PRKCE: variants seen among roughly 807,000 people sequenced by gnomAD.
The protein encoded by PRKCE is protein kinase C epsilon type.
Under a neutral mutation model 85.4 loss-of-function variants are expected in PRKCE, and 16 were observed. The ratio of observed to expected loss-of-function variants is 0.19; its 90% confidence interval spans 0.13 to 0.28. The LOEUF (loss-of-function observed/expected upper bound fraction) is 0.28. PRKCE is among the 10% of genes least tolerant of loss of function. The pLI, the probability that PRKCE is intolerant of heterozygous loss-of-function variation, is 1.00. For missense variants in PRKCE, 573 were observed against 975.2 expected, an observed-to-expected ratio of 0.59 and a Z score of 5.49; for synonymous variants, 388 against 371.5, an observed-to-expected ratio of 1.04 and a Z score of -0.51.
chr2:45,817,767 C>G (rs1689199065), intron 1 of PRKCE, among the ~76,000 whole-genome samples: 1 of 152,152 alleles, frequency 6.6e-6, no homozygotes, highest in South Asian at 2.1e-4. Context: ...AGTGGCCTGT[C>G]TGCAGTCACC....
At position 45,989,075 on chromosome 2, in the gene PRKCE, C is replaced by T. The variant is rs117357025; in HGVS notation, c.823+4395C>T. Among the ~76,000 whole-genome samples the T allele has an allele frequency of 3.6e-3, 546 of 152,336 alleles. 7 individuals carry two copies. The highest frequency in any genetic ancestry group is 0.024 in the East Asian group (127 of 5,184). On this transcript the variant is annotated intron_variant, in intron 6 of 14. Coordinates refer to ENST00000306156, the MANE Select transcript of PRKCE (RefSeq NM_005400.3). ...TCTGAAGTCATCGGGCACCAAGGGG[C>T]AACTTCACAGGAAAGCCAGACCTCC...
intron 1 of PRKCE, among the ~76,000 whole-genome samples, chr2:45,836,632 C>T (rs1690900994): frequency 6.6e-6 from 1 of 152,174 alleles, no homozygotes; most frequent in Admixed American, 6.5e-5. Flanking sequence ...GAGGGGGCAT[C>T]AGTGAAGGGG....
chr2:45,748,077 C>G (rs1683278569), intron 1 of PRKCE, among the ~76,000 whole-genome samples: 1 of 152,284 alleles, frequency 6.6e-6, no homozygotes, highest in East Asian at 1.9e-4. Flanking sequence ...AACTCCTTAT[C>G]AGGTATCTGA....
chr2:46,022,452 G>A (rs1706747869), intron 10 of PRKCE, among the ~76,000 whole-genome samples: 1 of 152,164 alleles, frequency 6.6e-6, no homozygotes, highest in Non-Finnish European at 1.5e-5. Flanking sequence ...TAGTGGTCTA[G>A]TGGTGTTTTC....
Position 45,857,400 on chromosome 2 carries a change from A to C in PRKCE, c.412+14337A>C, listed in dbSNP as rs532689320. Reference sequence around the variant, plus strand: ...TTAAGAGAGTTTTTAAAAAATGTTCACGTGATCATCTGGGCAGCCTGTCAA... The same window carrying C: ...TTAAGAGAGTTTTTAAAAAATGTTCCCGTGATCATCTGGGCAGCCTGTCAA... On this transcript the variant is annotated intron_variant, in intron 2 of 14. Coordinates refer to ENST00000306156, the MANE Select transcript of PRKCE (RefSeq NM_005400.3). Among the ~76,000 whole-genome samples the C allele has an allele frequency of 7.9e-5, 12 of 152,348 alleles. No homozygotes were observed. The East Asian group carries it at 1.7e-3, about 22-fold the overall frequency.
chr2:45,953,422 C>T (rs1036863578), intron 2 of PRKCE, among the ~76,000 whole-genome samples: 6 of 152,216 alleles, frequency 3.9e-5, no homozygotes. Flanking sequence ...AGAACATCCT[C>T]CTTGCTCTCT....
In PRKCE at chr2:45,735,095, C is replaced by T. The variant is rs1403293237; in HGVS notation, c.348+82647C>T. Among the ~76,000 whole-genome samples, 3 of 152,220 alleles carry T rather than the reference C, an allele frequency of 2.0e-5. No individual in the cohort carries two copies. The East Asian group carries it at 5.8e-4, about 29-fold the overall frequency. On this transcript the variant is annotated intron_variant, in intron 1 of 14. Coordinates refer to ENST00000306156, the MANE Select transcript of PRKCE (RefSeq NM_005400.3). The stretch of plus-strand genomic sequence containing the variant: ...CAGAGTCACTGGGCCAGGCCAGCAT[C>T]TGGTGGAAACAGTGGCCTGTGATGT...
At chr2:45,886,931 C>T (rs1319554191) in intron 2 of PRKCE, among the ~76,000 whole-genome samples, 1 of 152,228 alleles carries the variant, frequency 6.6e-6, no homozygotes, top group Non-Finnish European at 1.5e-5. Context: ...GGTCTACTCT[C>T]AAGTTCTTTC....
intron 14 of PRKCE, among the ~76,000 whole-genome samples, chr2:46,177,870 C>T (rs1023189045): frequency 1.2e-4 from 18 of 152,182 alleles, no homozygotes; most frequent in African/African-American, 3.6e-4. Context: ...TAAGGGTTCA[C>T]GCCAAGTAGA....
chr2:45,787,897 G>T (rs549010593), intron 1 of PRKCE, among the ~76,000 whole-genome samples: 103 of 152,320 alleles, frequency 6.8e-4, no homozygotes, highest in African/African-American at 2.4e-3. Context: ...GGCCCATCCA[G>T]AGCATTGCGA....
chr2:46,077,146 TTCTC>T (rs373618661), intron 10 of PRKCE, among the ~76,000 whole-genome samples: 161 of 147,574 alleles, frequency 1.1e-3, no homozygotes, highest in African/African-American at 3.8e-3. Context: ...ATTTTATGTT[TTCTC>T]TCTGTCTCTT....
intron 11 of PRKCE, among the ~76,000 whole-genome samples, chr2:46,137,470 G>T (rs1416873413): frequency 2.0e-5 from 3 of 152,040 alleles, no homozygotes; most frequent in Non-Finnish European, 4.4e-5. Context: ...CAGTTTGTTT[G>T]CTGGGCACGG....
rs918494756 is a variant in PRKCE, at chr2:46,103,838, A to G, written c.1592+17476A>G. ...TAAAGGTTTTCATTCTTATCTCCAC[A>G]TTTGAGTAGGCTGAGGAGGAGGAAG... On this transcript the variant is annotated intron_variant, in intron 11 of 14. Transcript: ENST00000306156. Among the ~76,000 whole-genome samples the G allele has an allele frequency of 3.3e-5, 5 of 152,278 alleles. No individual in the cohort carries two copies. In the South Asian group the frequency reaches 1.0e-3, roughly 32 times the overall value.
chr2:46,062,730 G>A (rs533318896), intron 10 of PRKCE, among the ~76,000 whole-genome samples: 39 of 132,542 alleles, frequency 2.9e-4, no homozygotes, highest in African/African-American at 1.1e-3. Flanking sequence ...CTGGAGTGCA[G>A]TGGCACCATC....
At chr2:45,694,047 C>A (rs929875700) in intron 1 of PRKCE, among the ~76,000 whole-genome samples, 1 of 151,460 alleles carries the variant, frequency 6.6e-6, no homozygotes, top group African/African-American at 2.4e-5. Context: ...AATTTTTGAC[C>A]CGTGGACACA....
chr2:45,998,128 C>T (rs942766575), intron 6 of PRKCE, among the ~76,000 whole-genome samples: 6 of 151,944 alleles, frequency 3.9e-5, no homozygotes, highest in Non-Finnish European at 5.9e-5. Flanking sequence ...CTTCTGTCAC[C>T]GAATGAAGTT....
intron 9 of PRKCE, among the ~76,000 whole-genome samples, chr2:46,008,471 C>T (rs1705391103): frequency 6.6e-6 from 1 of 152,192 alleles, no homozygotes; most frequent in East Asian, 1.9e-4. Context: ...CTGTTCAGAG[C>T]TAAGCCTGGG....
At chr2:45,949,118 C>A (rs753300914) in intron 2 of PRKCE, among the ~76,000 whole-genome samples, 1 of 152,186 alleles carries the variant, frequency 6.6e-6, no homozygotes, top group Non-Finnish European at 1.5e-5. Context: ...AAGATATATA[C>A]ATGTATACTG....
At chr2:45,981,368 A>G (rs1333977540) in intron 5 of PRKCE, among the ~76,000 whole-genome samples, 1 of 152,234 alleles carries the variant, frequency 6.6e-6, no homozygotes, top group African/African-American at 2.4e-5. Context: ...CAGCTGGTCT[A>G]CAATTTGACT....
Sources: allele counts gnomAD v4.1 joint callset (sites outside exome capture counted in the v4.1 genomes callset), GRCh38; gene constraint gnomAD v4.1.1; transcripts MANE v1.5; gene names NCBI Gene and HGNC (gene_info 2026-07-23, HGNC 2026-07-21).